The following WWOX variants were observed in gnomAD, a reference collection of about 807,000 sequenced individuals.
WWOX encodes WW domain-containing oxidoreductase.
WWOX carries 69 observed loss-of-function variants against 46.2 expected under a neutral mutation model. That is an observed-to-expected ratio of 1.49 (90% confidence interval 1.23 to 1.82). WWOX has a LOEUF of 1.82. Among genes scored for constraint, WWOX ranks in the 40% most tolerant of loss-of-function variants. The pLI is 0.00. For synonymous variants in WWOX, 359 were observed against 202.6 expected, an observed-to-expected ratio of 1.77 and a Z score of -6.56; for missense variants, 919 against 542.6, an observed-to-expected ratio of 1.69 and a Z score of -6.89.
At chr16:78,474,271 G>T (rs990033388) in intron 8 of WWOX, among the ~76,000 whole-genome samples, 5 of 152,156 alleles carry the variant, frequency 3.3e-5, no homozygotes, top group Non-Finnish European at 1.5e-5. Context: ...GACATTTTAT[G>T]CTAAAGTTCT....
intron 8 of WWOX, among the ~76,000 whole-genome samples, chr16:78,517,608 C>T (rs1214731637): frequency 6.6e-6 from 1 of 151,792 alleles, no homozygotes; most frequent in Non-Finnish European, 1.5e-5. Flanking sequence ...CTGAAGTATC[C>T]CTCTGCGTCG....
intron 8 of WWOX, among the ~76,000 whole-genome samples, chr16:78,894,417 A>G (rs2044656860): frequency 6.6e-6 from 1 of 152,218 alleles, no homozygotes; most frequent in South Asian, 2.1e-4. Context: ...ATGCTTAAGC[A>G]TGTAGATCAT....
chr16:79,210,558 T>A (rs2051694632), intron 8 of WWOX, among the ~76,000 whole-genome samples: 1 of 152,186 alleles, frequency 6.6e-6, no homozygotes, highest in Non-Finnish European at 1.5e-5. Flanking sequence ...CGGTCCTCTC[T>A]TGCAACCCCT....
At chr16:78,580,097 C>T (rs527292354) in intron 8 of WWOX, among the ~76,000 whole-genome samples, 6 of 149,948 alleles carry the variant, frequency 4.0e-5, no homozygotes, top group South Asian at 2.1e-4. Context: ...TTTTTGAGAC[C>T]GAGTCTTGCT....
chr16:78,918,393 A>C (rs1392390751), intron 8 of WWOX, among the ~76,000 whole-genome samples: 1 of 151,892 alleles, frequency 6.6e-6, no homozygotes, highest in East Asian at 1.9e-4. Context: ...TCTCCTTTCC[A>C]GGCTGGCTTC....
At chr16:78,512,695 T>C (rs549943388) in intron 8 of WWOX, among the ~76,000 whole-genome samples, 2 of 152,286 alleles carry the variant, frequency 1.3e-5, no homozygotes, top group East Asian at 1.9e-4. Context: ...CATGTTATTA[T>C]GTATATGTGG....
chr16:78,668,016 C>T (rs1020088860), intron 8 of WWOX, among the ~76,000 whole-genome samples: 2 of 152,154 alleles, frequency 1.3e-5, no homozygotes, highest in African/African-American at 4.8e-5. Context: ...CGGTGGCTCA[C>T]ACCTGTAATC....
intron 8 of WWOX, among the ~76,000 whole-genome samples, chr16:78,610,831 A>G (rs2045883510): frequency 6.6e-6 from 1 of 152,230 alleles, no homozygotes; most frequent in Non-Finnish European, 1.5e-5. Flanking sequence ...TATTATTATT[A>G]ATAGTTTGTA....
intron 8 of WWOX, among the ~76,000 whole-genome samples, chr16:79,146,727 C>T (rs1186555045): frequency 6.6e-6 from 1 of 152,110 alleles, no homozygotes; most frequent in Non-Finnish European, 1.5e-5. Context: ...ATTAGGTGGT[C>T]AGAAAGGTGT....
At chr16:78,226,793 A>G (rs894954503) in intron 5 of WWOX, among the ~76,000 whole-genome samples, 36 of 152,080 alleles carry the variant, frequency 2.4e-4, no homozygotes, top group African/African-American at 8.0e-4. Flanking sequence ...TGTCGTACGC[A>G]GGAAGTACGT....
chr16:78,888,150 C>A (rs1341604425), intron 8 of WWOX, among the ~76,000 whole-genome samples: 1 of 152,178 alleles, frequency 6.6e-6, no homozygotes, highest in Non-Finnish European at 1.5e-5. Flanking sequence ...AAAAAGCTGG[C>A]TCCTTTTAAA....
At chr16:79,024,305 T>G (rs1174046532) in intron 8 of WWOX, among the ~76,000 whole-genome samples, 1 of 152,136 alleles carries the variant, frequency 6.6e-6, no homozygotes, top group Non-Finnish European at 1.5e-5. Context: ...GCTGCGTAGG[T>G]TGTGGTGCAG....
chr16:78,925,142 C>G (rs542328094), intron 8 of WWOX, among the ~76,000 whole-genome samples: 1 of 152,140 alleles, frequency 6.6e-6, no homozygotes. Flanking sequence ...CTGCAGTGAG[C>G]AATGATATTG....
intron 8 of WWOX, among the ~76,000 whole-genome samples, chr16:79,109,264 G>C (rs2049370151): frequency 1.3e-5 from 2 of 152,188 alleles, no homozygotes; most frequent in South Asian, 4.1e-4. Flanking sequence ...AGTGTGCACT[G>C]TGGCTGGGAG....
At chr16:78,281,067 G>A (rs2079670032) in intron 5 of WWOX, 2 of 152,130 alleles carry the variant, frequency 1.3e-5, no homozygotes, top group Non-Finnish European at 2.9e-5. Flanking sequence ...GATATCCTTC[G>A]TTTCCAAAGT....
At chr16:78,859,363 C>G (rs1030762612) in intron 8 of WWOX, among the ~76,000 whole-genome samples, 20 of 152,000 alleles carry the variant, frequency 1.3e-4, no homozygotes, top group African/African-American at 4.6e-4. Flanking sequence ...ATTAGAAGAG[C>G]TCTGCCTTCC....
At chr16:78,749,241 G>A (rs997376283) in intron 8 of WWOX, among the ~76,000 whole-genome samples, 3 of 152,126 alleles carry the variant, frequency 2.0e-5, no homozygotes, top group African/African-American at 4.8e-5. Flanking sequence ...TACATCATAG[G>A]TAGATCCTGC....
At chr16:79,177,233 C>T (rs776914097) in intron 8 of WWOX, among the ~76,000 whole-genome samples, 1 of 152,102 alleles carries the variant, frequency 6.6e-6, no homozygotes, top group Non-Finnish European at 1.5e-5. Flanking sequence ...TCTTATCAGC[C>T]GCGAGTGCCG....
intron 8 of WWOX, among the ~76,000 whole-genome samples, chr16:79,119,419 C>G (rs1289614260): frequency 5.3e-5 from 8 of 152,152 alleles, no homozygotes; most frequent in Non-Finnish European, 1.0e-4. Flanking sequence ...TGCAATAATA[C>G]CTACTAGAGA....
Sources: gnomAD v4.1 joint callset for allele counts (sites outside exome capture counted in the v4.1 genomes callset) on GRCh38, gnomAD v4.1.1 for gene constraint, MANE v1.5 for transcripts, NCBI Gene and HGNC (gene_info 2026-07-23, HGNC 2026-07-21) for gene names.